The following NAV2 variants were observed in gnomAD, a reference collection of about 807,000 sequenced individuals.
NAV2 encodes neuron navigator 2.
NAV2 carries 54 observed loss-of-function variants against 223.2 expected under a neutral mutation model. The observed-to-expected ratio is 0.24, with a 90% CI of 0.19 to 0.30. NAV2 has a LOEUF of 0.30. Ranked by LOEUF, NAV2 falls within the 10% of genes least tolerant of loss-of-function variation. NAV2 has a pLI of 1.00. For missense variants in NAV2, 2,806 were observed against 3,147.5 expected, an observed-to-expected ratio of 0.89 and a Z score of 2.60; for synonymous variants, 1,279 against 1,239.3, an observed-to-expected ratio of 1.03 and a Z score of -0.67.
chr11:19,431,182 C>T (rs1038482397), intron 1 of NAV2, among the ~76,000 whole-genome samples: 9 of 152,246 alleles, frequency 5.9e-5, no homozygotes, highest in African/African-American at 1.9e-4. Context: ...ATAAAGAGTG[C>T]ATCCCTTCAA....
At chr11:19,467,211 A>G (rs1204382122) in intron 1 of NAV2, among the ~76,000 whole-genome samples, 2 of 152,214 alleles carry the variant, frequency 1.3e-5, no homozygotes. Context: ...TATGTCAGAT[A>G]TGATATTTAA....
intron 1 of NAV2, among the ~76,000 whole-genome samples, chr11:19,616,465 A>G (rs958888470): frequency 1.3e-5 from 2 of 151,588 alleles, no homozygotes; most frequent in African/African-American, 4.9e-5. Flanking sequence ...ACTATCCTTC[A>G]CTTCTGTTGT....
chr11:19,508,103 G>T (rs2043176409), intron 1 of NAV2, among the ~76,000 whole-genome samples: 1 of 152,162 alleles, frequency 6.6e-6, no homozygotes, highest in Admixed American at 6.5e-5. Context: ...TGGTGGGGTG[G>T]GATGAAGGAG....
intron 1 of NAV2, among the ~76,000 whole-genome samples, chr11:19,730,561 G>A (rs1424517388): frequency 2.0e-5 from 3 of 152,232 alleles, no homozygotes; most frequent in Non-Finnish European, 4.4e-5. Flanking sequence ...TTCCAGGGCT[G>A]GGAGCCAGCG....
chr11:19,546,653 A>T (rs2044507216), intron 1 of NAV2, among the ~76,000 whole-genome samples: 1 of 152,090 alleles, frequency 6.6e-6, no homozygotes. Context: ...CTATTATTTA[A>T]ACTGCCTTGG....
At chr11:19,559,395 T>C (rs11822188) in intron 1 of NAV2, among the ~76,000 whole-genome samples, 17,547 of 152,232 alleles carry the variant, frequency 0.12, 3,400 homozygotes, top group African/African-American at 0.4. Flanking sequence ...TTGTTTTCCT[T>C]GTGTGATGTC....
rs1045635548 is a variant in NAV2 at position 19,880,202 on chromosome 11, C to T, written c.770+75C>T. 6.9e-6 allele frequency: 10 copies of T among 1,455,702 alleles called. No homozygotes were observed. The African/African-American group carries it at 1.3e-4, about 19-fold the overall frequency. The allele number at this position is 1,455,702 out of a possible 1,614,324, so 90.2% of individuals were successfully genotyped here. A position where few individuals can be genotyped will look rare whatever the true frequency, so the allele number is the denominator to read the frequency against. ...CACCCCAACCAATCTCTAGGCTATC[C>T]TGTATGGCTTTTTCATTTGTGCTTC... On this transcript the variant is annotated intron_variant, in intron 5 of 37. Coordinates refer to ENST00000349880, the MANE Select transcript of NAV2 (RefSeq NM_145117.5).
chr11:19,978,606 T>C (rs899463021), intron 10 of NAV2: 1 of 151,228 alleles, frequency 6.6e-6, no homozygotes, highest in Non-Finnish European at 1.5e-5. Context: ...TTATGTAGGA[T>C]TGATTTGTTT....
chr11:19,934,821 G>T (rs1224524094), intron 7 of NAV2, among the ~76,000 whole-genome samples: 1 of 3,676 alleles, frequency 2.7e-4, no homozygotes, highest in East Asian at 0.25. Context: ...TGGTAGGGGA[G>T]GGGCTGGTCT....
intron 7 of NAV2, among the ~76,000 whole-genome samples, chr11:19,936,268 A>G (rs1188620458): frequency 6.6e-6 from 1 of 152,160 alleles, no homozygotes. Flanking sequence ...CATATTCAGG[A>G]TTCACAGCTT....
At chr11:19,886,882 A>G (rs2041040909) in intron 5 of NAV2, among the ~76,000 whole-genome samples, 1 of 152,124 alleles carries the variant, frequency 6.6e-6, no homozygotes. Context: ...TCCCCTACTT[A>G]GAGTTTCTTT....
At chr11:19,974,450 T>C (rs781684698) in intron 10 of NAV2, among the ~76,000 whole-genome samples, 2 of 152,222 alleles carry the variant, frequency 1.3e-5, no homozygotes, top group Admixed American at 6.5e-5. Flanking sequence ...AATGTATTAA[T>C]ATTGGTTCAT....
At chr11:19,970,318 G>A (rs577181633) in intron 10 of NAV2, among the ~76,000 whole-genome samples, 27 of 152,236 alleles carry the variant, frequency 1.8e-4, no homozygotes, top group South Asian at 8.3e-4. Context: ...ACAGGCATGC[G>A]CCACCATGCC....
intron 1 of NAV2, among the ~76,000 whole-genome samples, chr11:19,624,692 C>A (rs923028598): frequency 3.3e-5 from 5 of 152,220 alleles, no homozygotes; most frequent in African/African-American, 1.2e-4. Flanking sequence ...TCCATGACCC[C>A]TTGTGCTTCC....
rs143712828 is a variant in NAV2 at position 19,355,288 on chromosome 11, G to GTA, written c.75+4262_75+4263dup. The stretch of plus-strand genomic sequence containing the variant: ...TTTTTTAAAGATGCTTGATGATTGA[G>GTA]TAGTGACAAAGATGGTTCAGTTTGA... On this transcript the variant is annotated intron_variant, in intron 1 of 37. Transcript: ENST00000360655. Among the ~76,000 whole-genome samples, 191 of 147,644 alleles carry GTA rather than the reference G, an allele frequency of 1.3e-3. 4 individuals are homozygous for GTA. The East Asian group carries it at 0.034, about 27-fold the overall frequency.
At chr11:19,500,239 G>C (rs546366244) in intron 1 of NAV2, among the ~76,000 whole-genome samples, 1 of 152,128 alleles carries the variant, frequency 6.6e-6, no homozygotes, top group East Asian at 1.9e-4. Context: ...TGGAGGGTGA[G>C]AGGCATGTGA....
At chr11:19,533,237 A>G (rs1438543503) in intron 1 of NAV2, among the ~76,000 whole-genome samples, 1 of 152,090 alleles carries the variant, frequency 6.6e-6, no homozygotes, top group Admixed American at 6.5e-5. Flanking sequence ...TTGGAGCTAG[A>G]TATATCTTTG....
intron 10 of NAV2, among the ~76,000 whole-genome samples, chr11:19,975,912 C>T (rs916657659): frequency 2.6e-5 from 4 of 152,094 alleles, no homozygotes; most frequent in Non-Finnish European, 5.9e-5. Context: ...AGCTTTCACT[C>T]GTTTCTCCAA....
intron 10 of NAV2, among the ~76,000 whole-genome samples, chr11:19,961,611 A>C (rs1651943641): frequency 6.6e-6 from 1 of 152,184 alleles, no homozygotes; most frequent in Non-Finnish European, 1.5e-5. Flanking sequence ...AGAAGACCTG[A>C]CTTCACATTT....
Sources: gnomAD v4.1 joint callset for allele counts (sites outside exome capture counted in the v4.1 genomes callset) on GRCh38, gnomAD v4.1.1 for gene constraint, MANE v1.5 for transcripts, NCBI Gene and HGNC (gene_info 2026-07-23, HGNC 2026-07-21) for gene names.